Variants in ERBB4 observed in about 807,000 individuals in gnomAD.
The protein encoded by ERBB4 is erb-b2 receptor tyrosine kinase 4.
A neutral mutation model predicts 158.0 loss-of-function variants in ERBB4; 42 were observed. That is an observed-to-expected ratio of 0.27 (90% CI 0.21 to 0.34). The LOEUF (loss-of-function observed/expected upper bound fraction) is 0.34, where lower values mean the gene tolerates loss of function less well. Ranked by LOEUF, ERBB4 falls within the 10% of genes least tolerant of loss-of-function variation. The probability of loss-of-function intolerance (pLI) is 1.00; values close to 1 mark genes in which losing one functional copy is unlikely to be tolerated. For missense variants in ERBB4, 1,333 were observed against 1,624.1 expected, an observed-to-expected ratio of 0.82 and a Z score of 3.08; for synonymous variants, 583 against 558.7, an observed-to-expected ratio of 1.04 and a Z score of -0.61.
intron 1 of ERBB4, among the ~76,000 whole-genome samples, chr2:212,391,659 T>C (rs939597806): frequency 7.6e-5 from 8 of 105,324 alleles, no homozygotes; most frequent in African/African-American, 2.8e-4. Flanking sequence ...TATATTATAT[T>C]ATGTATTATA....
intron 1 of ERBB4, among the ~76,000 whole-genome samples, chr2:212,219,265 A>G (rs2083207769): frequency 6.6e-6 from 1 of 151,424 alleles, no homozygotes; most frequent in Admixed American, 6.6e-5. Flanking sequence ...GCATTTCTGA[A>G]AAGTATACAC....
chr2:212,287,926 A>C (rs1386372516), intron 1 of ERBB4, among the ~76,000 whole-genome samples: 1 of 152,056 alleles, frequency 6.6e-6, no homozygotes, highest in Admixed American at 6.6e-5. Flanking sequence ...GGAAGGAGGG[A>C]GAGGATCAGT....
chr2:211,878,836 C>A (rs1251897265), intron 3 of ERBB4, among the ~76,000 whole-genome samples: 1 of 151,716 alleles, frequency 6.6e-6, no homozygotes, highest in Non-Finnish European at 1.5e-5. Flanking sequence ...AAACAAAAAA[C>A]AAAAATTGCA....
chr2:211,810,654 G>A (rs938660473), intron 3 of ERBB4, among the ~76,000 whole-genome samples: 2 of 141,382 alleles, frequency 1.4e-5, no homozygotes, highest in Admixed American at 1.5e-4. Flanking sequence ...CAATTTGCCA[G>A]TCTCTGTCTT....
chr2:211,753,943 C>T (rs529540793), intron 4 of ERBB4, among the ~76,000 whole-genome samples: 11 of 149,414 alleles, frequency 7.4e-5, no homozygotes, highest in Non-Finnish European at 1.0e-4. Context: ...CTGCAAGCTC[C>T]GCCTCCTGGG....
chr2:212,250,732 C>A (rs1049344743), intron 1 of ERBB4, among the ~76,000 whole-genome samples: 2 of 151,364 alleles, frequency 1.3e-5, no homozygotes, highest in African/African-American at 4.8e-5. Context: ...CTAGGCAGAC[C>A]ACACAGAGCC....
At chr2:212,249,253 T>C (rs533942172) in intron 1 of ERBB4, among the ~76,000 whole-genome samples, 61 of 152,144 alleles carry the variant, frequency 4.0e-4, no homozygotes, top group Non-Finnish European at 7.2e-4. Context: ...CTCCCACATA[T>C]GACTAAGGAA....
At chr2:212,173,222 GAAAAT>G (rs980163640) in intron 1 of ERBB4, among the ~76,000 whole-genome samples, 1 of 151,632 alleles carries the variant, frequency 6.6e-6, no homozygotes, top group African/African-American at 2.4e-5. Flanking sequence ...ATTCAAGAAA[GAAAAT>G]AAAATAATTA....
chr2:212,134,979 C>A (rs1164438927), intron 1 of ERBB4, among the ~76,000 whole-genome samples: 1 of 152,108 alleles, frequency 6.6e-6, no homozygotes, highest in African/African-American at 2.4e-5. Context: ...AGCCACCGCG[C>A]CTGGCCTACT....
chr2:212,146,055 A>T (rs576907423), intron 1 of ERBB4, among the ~76,000 whole-genome samples: 1 of 152,206 alleles, frequency 6.6e-6, no homozygotes, highest in African/African-American at 2.4e-5. Flanking sequence ...CTTTCTCATA[A>T]AAGAGGTCTG....
chr2:211,789,877 T>C (rs1350458254), intron 3 of ERBB4, among the ~76,000 whole-genome samples: 10 of 152,114 alleles, frequency 6.6e-5, no homozygotes, highest in Non-Finnish European at 1.5e-4. Flanking sequence ...CTGCATTGCA[T>C]GTACGAAACC....
intron 1 of ERBB4, among the ~76,000 whole-genome samples, chr2:212,199,572 C>T (rs754351678): frequency 4.6e-5 from 7 of 152,056 alleles, no homozygotes; most frequent in Non-Finnish European, 8.8e-5. Flanking sequence ...AGCTAATTGT[C>T]AGTATATCAT....
chr2:212,339,593 A>G (rs1395244026), intron 1 of ERBB4, among the ~76,000 whole-genome samples: 1 of 152,194 alleles, frequency 6.6e-6, no homozygotes, highest in Admixed American at 6.6e-5. Flanking sequence ...TGTGTACCTG[A>G]CCAAGGTCAG....
intron 1 of ERBB4, among the ~76,000 whole-genome samples, chr2:212,386,991 CTGAA>C (rs1202819806): frequency 1.3e-5 from 2 of 152,024 alleles, no homozygotes; most frequent in Non-Finnish European, 2.9e-5. Context: ...TAGTAAATGA[CTGAA>C]TGAATGAAGC....
intron 20 of ERBB4, among the ~76,000 whole-genome samples, chr2:211,438,915 A>AAT (rs1435106710): frequency 1.1e-4 from 16 of 152,252 alleles, no homozygotes; most frequent in Middle Eastern, 6.8e-3. Context: ...TCCTTTTAAT[A>AAT]ATATATAATA....
chr2:212,406,773 G>A (rs924534564), intron 1 of ERBB4, among the ~76,000 whole-genome samples: 4 of 152,012 alleles, frequency 2.6e-5, no homozygotes, highest in African/African-American at 9.7e-5. Context: ...TGCATTATGA[G>A]TCCTTCAGTG....
At chr2:212,484,228 G>A (rs186884111) in intron 1 of ERBB4, among the ~76,000 whole-genome samples, 5 of 152,276 alleles carry the variant, frequency 3.3e-5, no homozygotes, top group Admixed American at 3.3e-4. Flanking sequence ...ATTTAACTAA[G>A]TGAAGGGACA....
chr2:211,775,268 A>T (rs1029873233), intron 4 of ERBB4, among the ~76,000 whole-genome samples: 9 of 152,158 alleles, frequency 5.9e-5, no homozygotes, highest in Non-Finnish European at 1.0e-4. Context: ...GTTCTTGAGT[A>T]GCTCGTCTGG....
chr2:211,665,936 T>C (rs1294642361), intron 14 of ERBB4, among the ~76,000 whole-genome samples: 1 of 152,192 alleles, frequency 6.6e-6, no homozygotes, highest in African/African-American at 2.4e-5. Context: ...TCACCACCAC[T>C]GGGAATATGT....
Sources: allele counts gnomAD v4.1 joint callset (sites outside exome capture counted in the v4.1 genomes callset), GRCh38; gene constraint gnomAD v4.1.1; transcripts MANE v1.5; gene names NCBI Gene and HGNC (gene_info 2026-07-23, HGNC 2026-07-21).